Variants in RICTOR observed in about 807,000 individuals in gnomAD.
The protein encoded by RICTOR is RPTOR independent companion of MTOR complex 2.
A neutral mutation model predicts 214.9 loss-of-function variants in RICTOR; 49 were observed. That is an observed-to-expected ratio of 0.23 (90% CI 0.18 to 0.29). RICTOR has a LOEUF of 0.29. Ranked by LOEUF, RICTOR falls within the 10% of genes least tolerant of loss-of-function variation. The probability of loss-of-function intolerance (pLI) is 1.00; values close to 1 mark genes in which losing one functional copy is unlikely to be tolerated. For missense variants in RICTOR, 1,625 were observed against 2,047.0 expected, an observed-to-expected ratio of 0.79 and a Z score of 3.98; for synonymous variants, 717 against 711.3, an observed-to-expected ratio of 1.01 and a Z score of -0.13.
intron 15 of RICTOR, among the ~76,000 whole-genome samples, chr5:38,966,246 C>A (rs1367568709): frequency 6.6e-6 from 1 of 152,194 alleles, no homozygotes; most frequent in African/African-American, 2.4e-5. Context: ...CACTGACTAC[C>A]ATGTATCAAG....
Position 39,064,027 on chromosome 5 carries a change from GC to G in RICTOR, c.97+10083del, listed in dbSNP as rs138731210. Reference sequence around the variant, plus strand: ...TACATTGCTCAGTTTACGCAATCTGGCTGGAAGCCTCTAAAAGAGGAATACG... The same window carrying G: ...TACATTGCTCAGTTTACGCAATCTGGTGGAAGCCTCTAAAAGAGGAATACG... On this transcript the variant is annotated intron_variant, in intron 2 of 37. Transcript: ENST00000357387. Among the ~76,000 whole-genome samples the G allele has an allele frequency of 6.4e-3, 968 of 152,170 alleles. 18 individuals carry two copies. Among genetic ancestry groups the G allele is most frequent in the African/African-American group, 0.022 (926 of 41,496 alleles).
At chr5:39,068,636 T>C (rs556621213) in intron 2 of RICTOR, among the ~76,000 whole-genome samples, 2 of 152,240 alleles carry the variant, frequency 1.3e-5, no homozygotes, top group South Asian at 2.1e-4. Flanking sequence ...CTGGCAGGCA[T>C]ACAGTAGACC....
chr5:38,969,353 C>T (rs7701231), intron 11 of RICTOR, among the ~76,000 whole-genome samples: 144,655 of 152,110 alleles, frequency 0.95, 68,943 homozygotes, highest in East Asian at 0.99. Flanking sequence ...GGATATAAAA[C>T]CAAAAAAATT....
chr5:38,987,379 T>A (rs1057021918), intron 7 of RICTOR, among the ~76,000 whole-genome samples: 1 of 152,196 alleles, frequency 6.6e-6, no homozygotes, highest in Non-Finnish European at 1.5e-5. Flanking sequence ...GGTAGACTAT[T>A]AATTACTGCC....
At chr5:39,051,360 A>C (rs1013278349) in intron 2 of RICTOR, among the ~76,000 whole-genome samples, 7 of 152,194 alleles carry the variant, frequency 4.6e-5, no homozygotes, top group African/African-American at 1.7e-4. Flanking sequence ...ACACTGTAAG[A>C]TATACAAAAT....
At chr5:39,029,660 T>G (rs924278597) in intron 2 of RICTOR, among the ~76,000 whole-genome samples, 2 of 152,150 alleles carry the variant, frequency 1.3e-5, no homozygotes. Context: ...AGAACTGAAT[T>G]CAAGTCTAGC....
At chr5:38,983,928 T>G (rs1489449636) in intron 7 of RICTOR, among the ~76,000 whole-genome samples, 1 of 152,160 alleles carries the variant, frequency 6.6e-6, no homozygotes, top group Non-Finnish European at 1.5e-5. Flanking sequence ...ATTGCGCCAC[T>G]ACACTCCAGC....
chr5:38,963,479 T>G (rs1284967217), intron 16 of RICTOR, among the ~76,000 whole-genome samples: 2 of 152,012 alleles, frequency 1.3e-5, no homozygotes, highest in East Asian at 3.8e-4. Context: ...CAGTATCAAC[T>G]GAACAGTCTC....
intron 3 of RICTOR, among the ~76,000 whole-genome samples, chr5:39,014,502 T>C (rs549684854): frequency 1.3e-5 from 2 of 152,234 alleles, no homozygotes; most frequent in African/African-American, 4.8e-5. Context: ...CAGCTTATAA[T>C]ACCTTAAAGT....
rs1297105779 is a variant in RICTOR, at chr5:38,949,964, G to A, written c.3884C>T (p.Thr1295Met). 5 of 1,613,366 alleles carry A rather than the reference G, an allele frequency of 3.1e-6. No homozygotes were observed. The African/African-American group carries it at 4.0e-5, about 13-fold the overall frequency. Reference sequence around the variant, plus strand: ...AAGGGACTGTGCTCTTCTAGGAAGCGTATGAGAAGAACCTGGAGGCACCAG... The same window carrying A: ...AAGGGACTGTGCTCTTCTAGGAAGCATATGAGAAGAACCTGGAGGCACCAG... ...VSLVPPGSSH[T>M]LPRRAQSLKA... Residue 1295 changes from threonine (T) to methionine (M), a missense_variant, in exon 31 of 38, where the codon ACG becomes ATG. By Grantham distance (81) the Thr-to-Met change is moderately conservative. Coordinates refer to ENST00000357387, the MANE Select transcript of RICTOR (RefSeq NM_152756.5).
intron 3 of RICTOR, among the ~76,000 whole-genome samples, chr5:39,012,032 G>A (rs1754559673): frequency 6.6e-6 from 1 of 152,148 alleles, no homozygotes; most frequent in South Asian, 2.1e-4. Flanking sequence ...GTTTGGCTCT[G>A]TGTTCCCACC....
At chr5:38,999,027 C>CAAAAAAAAAAAAAAAAAAAAAA (rs1186312478) in intron 5 of RICTOR, among the ~76,000 whole-genome samples, 2 of 25,342 alleles carry the variant, frequency 7.9e-5, no homozygotes, top group Admixed American at 4.9e-4. Flanking sequence ...AACAAACAGG[C>CAAAAAAAAAAAAAAAAAAAAAA]AAAAAAAAAA....
chr5:38,958,702 C>T lies in RICTOR; in HGVS notation c.2308G>A (p.Ala770Thr), dbSNP rs763813094. 6.2e-7 allele frequency: 1 copy of T among 1,611,116 alleles called. No homozygotes were observed. Among genetic ancestry groups the T allele is most frequent in the Non-Finnish European group, 8.5e-7 (1 of 1,178,882 alleles). The change falls in exon 23 of 38, where the codon GCT becomes ACT. Residue 770 changes from alanine to threonine, a missense_variant. This residue lies in a region of RICTOR where 1,214 missense variants were observed against 1,470.5 expected (regional missense o/e 0.83). Coordinates refer to ENST00000357387, the MANE Select transcript of RICTOR (RefSeq NM_152756.5). ...HDKNKTISSE[A>T]LDILDEACED... Reference sequence around the variant, plus strand: ...CATGCTTCATCGAGGATATCAAGAGCTTCAGAGGAAATCGTTTTGTTTTTA... The same window carrying T: ...CATGCTTCATCGAGGATATCAAGAGTTTCAGAGGAAATCGTTTTGTTTTTA...
intron 7 of RICTOR, among the ~76,000 whole-genome samples, chr5:38,986,187 C>T (rs534416895): frequency 7.2e-5 from 11 of 152,196 alleles, no homozygotes; most frequent in African/African-American, 2.4e-4. Flanking sequence ...GATAGTGAAT[C>T]TCATGAAATC....
intron 3 of RICTOR, among the ~76,000 whole-genome samples, chr5:39,004,859 G>A (rs560220117): frequency 3.0e-5 from 4 of 133,868 alleles, no homozygotes; most frequent in South Asian, 2.5e-4. Context: ...TCAGCTCACC[G>A]CAACCTCCGC....
intron 5 of RICTOR, among the ~76,000 whole-genome samples, chr5:39,001,510 A>T (rs555033575): frequency 6.6e-6 from 1 of 152,092 alleles, no homozygotes; most frequent in African/African-American, 2.4e-5. Context: ...GAAAACACAG[A>T]TCTCTTCCAA....
intron 2 of RICTOR, among the ~76,000 whole-genome samples, chr5:39,073,452 A>C (rs1759472101): frequency 6.6e-6 from 1 of 152,226 alleles, no homozygotes; most frequent in Non-Finnish European, 1.5e-5. Flanking sequence ...GAAGGTAAAC[A>C]ATGAACCTGC....
At chr5:38,989,259 G>C (rs1000416519) in intron 7 of RICTOR, among the ~76,000 whole-genome samples, 3 of 152,066 alleles carry the variant, frequency 2.0e-5, no homozygotes, top group Admixed American at 6.6e-5. Flanking sequence ...ATAAGCAACG[G>C]GGAAAGGATT....
chr5:38,954,897 T>G, intron 26 of RICTOR, 36 bp from the exon 27 acceptor site: 1 of 992,330 alleles, frequency 1.0e-6, no homozygotes, highest in South Asian at 1.4e-5. Context: ...ATCTCTTGGC[T>G]AATTTAAATA....
Sources: gnomAD v4.1 joint callset for allele counts (sites outside exome capture counted in the v4.1 genomes callset) on GRCh38, gnomAD v4.1.1 for gene constraint, gnomAD v4.1.1 regional missense constraint, MANE v1.5 for transcripts, NCBI Gene and HGNC (gene_info 2026-07-23, HGNC 2026-07-21) for gene names.